Variants in CCDC124 observed in about 807,000 individuals in gnomAD.
CCDC124 encodes coiled-coil domain containing 124.
In CCDC124, 9 loss-of-function variants were observed where a neutral mutation model predicts 19.8. The ratio of observed to expected loss-of-function variants is 0.45; its 90% confidence interval spans 0.27 to 0.79. The LOEUF (loss-of-function observed/expected upper bound fraction) is 0.79, where lower values mean the gene tolerates loss of function less well. CCDC124 is among the 30% of genes least tolerant of loss of function. The pLI is 0.14. For synonymous variants in CCDC124, 126 were observed against 131.3 expected (o/e 0.96, Z 0.27); for missense variants, 285 against 319.0 (o/e 0.89, Z 0.81).
chr19:17,942,123 G>A lies in CCDC124; in HGVS notation c.160-533G>A, dbSNP rs2031196630. On this transcript the variant is annotated intron_variant, in intron 2 of 4. Coordinates refer to ENST00000445755, the MANE Select transcript of CCDC124 (RefSeq NM_001136203.2). The surrounding 1 kb of genome is among the most constrained non-coding windows in gnomAD (Gnocchi z 4.2). ...TTTCAGCCTCAGTGACCCACGGCAG[G>A]GAAACGTGGACAGTGCTGCCCGACT... is the stretch of plus-strand genomic sequence containing the variant. Among the ~76,000 whole-genome samples, 1 of 152,154 alleles carries A rather than the reference G, an allele frequency of 6.6e-6. No homozygotes were observed. Among genetic ancestry groups the A allele is most frequent in the Non-Finnish European group, 1.5e-5 (1 of 68,020 alleles).
chr19:17,942,890 G>A lies in CCDC124; in HGVS notation c.349+45G>A. 2.7e-6 allele frequency: 4 copies of A among 1,461,810 alleles called. No homozygotes were observed. The South Asian group carries it at 5.8e-5, about 21-fold the overall frequency. 90.6% of individuals were successfully genotyped at this position (1,461,810 alleles called of 1,614,324 possible). A position where few individuals can be genotyped will look rare whatever the true frequency, so the allele number is the denominator to read the frequency against. ...TGGAGCTGCACTTTTGCCCACTGCA[G>A]AGGCAGTGGACCTTGAGTCCATTAG... On this transcript the variant is annotated intron_variant, in intron 3 of 4. Transcript: ENST00000445755. The surrounding 1 kb of genome is among the most constrained non-coding windows in gnomAD (Gnocchi z 4.2).
At chr19:17,936,732 G>C in intron 2 of CCDC124, 153 bp downstream of exon 2, 1 of 951,532 alleles carries the variant, frequency 1.1e-6, no homozygotes, top group Non-Finnish European at 1.5e-6. Flanking sequence ...TGTCATCCCA[G>C]TACTTTGGGA....
chr19:17,942,748 CA>C lies in CCDC124; in HGVS notation c.254del (p.Lys85ArgfsTer48). The C allele has an allele frequency of 1.3e-6, 2 of 1,549,294 alleles. No homozygotes were observed. Among genetic ancestry groups the C allele is most frequent in the Non-Finnish European group, 1.7e-6 (2 of 1,146,886 alleles). On this transcript the variant is annotated frameshift_variant, in exon 3 of 5. Coordinates refer to ENST00000445755, the MANE Select transcript of CCDC124 (RefSeq NM_001136203.2). LOFTEE classifies it high-confidence loss of function. The surrounding 1 kb of genome is among the most constrained non-coding windows in gnomAD (Gnocchi z 4.2). ...AGGAGGACTCCAAGCTCAAGGGCGG[CA>C]AGGCGCCGCGGGTGGCCACGTCCAG... ...EEEDSKLKGG[K>X]APRVATSSKV...
chr19:17,943,388 G>A lies in CCDC124; in HGVS notation c.464+13G>A. 1 of 1,569,634 alleles carries A rather than the reference G, an allele frequency of 6.4e-7. No individual in the cohort carries two copies. The highest frequency in any genetic ancestry group is 8.6e-7 in the Non-Finnish European group (1 of 1,161,348). Reference sequence around the variant, plus strand: ...TTGCAGTGCTCAGGTAACGGGGCGGGGCCTGGGGCTTTCCCAGGGGTGGAG... The same window carrying A: ...TTGCAGTGCTCAGGTAACGGGGCGGAGCCTGGGGCTTTCCCAGGGGTGGAG... On this transcript the variant is annotated intron_variant, in intron 4 of 4. Transcript: ENST00000445755.
At chr19:17,935,241 C>G (rs558587204) in intron 1 of CCDC124, 1 of 152,154 alleles carries the variant, frequency 6.6e-6, no homozygotes, top group South Asian at 2.1e-4. Context: ...ACTGAAATGT[C>G]CAGAACAGGG....
intron 2 of CCDC124, among the ~76,000 whole-genome samples, chr19:17,939,772 G>A (rs2031138392): frequency 1.3e-5 from 2 of 151,104 alleles, no homozygotes; most frequent in South Asian, 2.1e-4. Flanking sequence ...ACAGGTGTGC[G>A]CCACCATGCC....
chr19:17,941,304 A>G (rs576744575), intron 2 of CCDC124, among the ~76,000 whole-genome samples: 2 of 152,016 alleles, frequency 1.3e-5, no homozygotes, highest in South Asian at 2.1e-4. Flanking sequence ...TGAGGTCAGG[A>G]GTTCGAGACC....
At chr19:17,936,379 C>T (rs376696809) in intron 1 of CCDC124, 31 bp from the exon 2 acceptor site, 18 of 1,575,528 alleles carry the variant, frequency 1.1e-5, no homozygotes, top group Non-Finnish European at 1.5e-5. Context: ...CCTCCGGCCC[C>T]TGCTCCCCCA....
chr19:17,943,553 G>A lies in CCDC124; in HGVS notation c.510G>A (p.Arg170=). ...AADRHPERRM[R]AAFTAFEEAQ... ...ACCGGCACCCAGAAAGACGCATGCG[G>A]GCAGCCTTCACAGCCTTTGAGGAAG... Residue 170 remains arginine (R), a synonymous_variant, in exon 5 of 5, where the codon CGG becomes CGA. Coordinates refer to ENST00000445755, the MANE Select transcript of CCDC124 (RefSeq NM_001136203.2). 1 of 1,612,672 alleles carries A rather than the reference G, an allele frequency of 6.2e-7. No individual in the cohort carries two copies. Among genetic ancestry groups the A allele is most frequent in the South Asian group, 1.1e-5 (1 of 91,086 alleles).
At chr19:17,941,186 C>G (rs1019869555) in intron 2 of CCDC124, among the ~76,000 whole-genome samples, 2 of 152,094 alleles carry the variant, frequency 1.3e-5, no homozygotes, top group Non-Finnish European at 2.9e-5. Context: ...CCTGGTCAGT[C>G]CCCCACCAGT....
chr19:17,938,484 A>G (rs2031109330), intron 2 of CCDC124, among the ~76,000 whole-genome samples: 1 of 152,202 alleles, frequency 6.6e-6, no homozygotes, highest in African/African-American at 2.4e-5. Flanking sequence ...CACCCTGGGT[A>G]GCTGAGACAC....
intron 1 of CCDC124, chr19:17,936,180 C>T (rs556711142): frequency 3.2e-4 from 134 of 424,508 alleles, no homozygotes; most frequent in African/African-American, 2.3e-3. Flanking sequence ...GCTGGGATTA[C>T]GGGTGTGAGC....
chr19:17,942,198 C>A lies in CCDC124; in HGVS notation c.160-458C>A, dbSNP rs575745559. Among the ~76,000 whole-genome samples the A allele has an allele frequency of 1.3e-5, 2 of 152,264 alleles. No homozygotes were observed. The highest frequency in any genetic ancestry group is 4.8e-5 in the African/African-American group (2 of 41,534). On this transcript the variant is annotated intron_variant, in intron 2 of 4. Transcript: ENST00000445755. This position sits in a 1 kb window ranked among gnomAD's most constrained non-coding sequence, Gnocchi z 4.2. The stretch of plus-strand genomic sequence containing the variant: ...GCCTGAAACGGGTCCAGGCCTCCCA[C>A]GGCTCTTAGAATCCAACATGAACCC...
chr19:17,942,999 G>A lies in CCDC124; in HGVS notation c.349+154G>A, dbSNP rs1010675731. Among the ~76,000 whole-genome samples the A allele has an allele frequency of 6.6e-6, 1 of 152,176 alleles. No homozygotes were observed. Among genetic ancestry groups the A allele is most frequent in the Non-Finnish European group, 1.5e-5 (1 of 68,024 alleles). The stretch of plus-strand genomic sequence containing the variant: ...AGGCCGCCTCCTGGTAGGCCTGGCC[G>A]TGAGCAGACAACCTCAGGGCTTGTG... On this transcript the variant is annotated intron_variant, in intron 3 of 4. Transcript: ENST00000445755. The surrounding 1 kb of genome is among the most constrained non-coding windows in gnomAD (Gnocchi z 4.2).
Position 17,943,613 on chromosome 19 carries a change from C to A in CCDC124, c.570C>A (p.Asn190Lys), listed in dbSNP as rs146510396. ...CGCGGCTCAAACAAGAGAACCCCAA[C>A]ATGCGGCTGTCGCAGCTGAAACAGC... ...QLPRLKQENPNMRLSQLKQLL... is the reference protein window; with the variant it reads ...QLPRLKQENPKMRLSQLKQLL... Residue 190 changes from asparagine to lysine, a missense_variant, in exon 5 of 5, where the codon AAC becomes AAA. Coordinates refer to ENST00000445755, the MANE Select transcript of CCDC124 (RefSeq NM_001136203.2). 52 of 1,612,892 alleles carry A rather than the reference C, an allele frequency of 3.2e-5. No individual in the cohort carries two copies. Among genetic ancestry groups the A allele is most frequent in the Admixed American group, 1.2e-4 (7 of 59,988 alleles).
In CCDC124 at chr19:17,936,510, G is replaced by GGC. The variant is rs1416864746; in HGVS notation, c.90_91insGC (p.Gln31AlafsTer18). 1.9e-6 allele frequency: 3 copies of GGC among 1,613,370 alleles called. No homozygotes were observed. The highest frequency in any genetic ancestry group is 2.5e-6 in the Non-Finnish European group (3 of 1,179,824). ...CCAAGGCGGCCGCTGATGCCAAGAA[G>GGC]CAGAAGGAGCTGGAGGATGCCTACT... On this transcript the variant is annotated frameshift_variant, in exon 2 of 5. Coordinates refer to ENST00000445755, the MANE Select transcript of CCDC124 (RefSeq NM_001136203.2). LOFTEE classifies it high-confidence loss of function.
chr19:17,941,168 ATACCCCTCCTGGTCAG>A (rs2031171512), intron 2 of CCDC124, among the ~76,000 whole-genome samples: 1 of 152,046 alleles, frequency 6.6e-6, no homozygotes, highest in Admixed American at 6.6e-5. Flanking sequence ...AGTTTCCCTC[ATACCCCTCCTGGTCAG>A]TCCCCCACCA....
chr19:17,936,314 C>T (rs934742493), intron 1 of CCDC124, 96 bp from the exon 2 acceptor site: 21 of 1,060,716 alleles, frequency 2.0e-5, no homozygotes, highest in Non-Finnish European at 2.4e-5. Context: ...ACAGAGGCCC[C>T]AAGAGGGTCA....
intron 1 of CCDC124, among the ~76,000 whole-genome samples, chr19:17,935,424 CCTT>C (rs1370834913): frequency 6.6e-6 from 1 of 151,324 alleles, no homozygotes; most frequent in Non-Finnish European, 1.5e-5. Flanking sequence ...GAATTGTACA[CCTT>C]TTTTTTTTTT....
Sources: allele counts gnomAD v4.1 joint callset (sites outside exome capture counted in the v4.1 genomes callset), GRCh38; gene constraint gnomAD v4.1.1; non-coding constraint Gnocchi (gnomAD v3.1); transcripts MANE v1.5; gene names NCBI Gene and HGNC (gene_info 2026-07-23, HGNC 2026-07-21).